The following CTNND2 variants were observed in gnomAD, a reference collection of about 807,000 sequenced individuals.
CTNND2 encodes catenin delta-2.
In CTNND2, 22 loss-of-function variants were observed where a neutral mutation model predicts 144.4. The ratio of observed to expected loss-of-function variants is 0.15; its 90% confidence interval spans 0.11 to 0.22. The LOEUF (loss-of-function observed/expected upper bound fraction) is 0.22. Ranked by LOEUF, CTNND2 falls within the 10% of genes least tolerant of loss-of-function variation. CTNND2 has a pLI of 1.00. For synonymous variants in CTNND2, 751 were observed against 695.6 expected (o/e 1.08, Z -1.25); for missense variants, 1,353 against 1,618.8 (o/e 0.84, Z 2.82).
intron 1 of CTNND2, among the ~76,000 whole-genome samples, chr5:11,872,644 GCTT>G (rs1179706933): frequency 6.6e-6 from 1 of 150,814 alleles, no homozygotes; most frequent in Non-Finnish European, 1.5e-5. Context: ...GTGATGATGA[GCTT>G]TTTTTCATGT....
chr5:11,636,029 C>T (rs934678264), intron 2 of CTNND2, among the ~76,000 whole-genome samples: 11 of 119,074 alleles, frequency 9.2e-5, no homozygotes, highest in African/African-American at 6.7e-5. Context: ...GTTTAATCCC[C>T]CCCCACCCCC....
intron 8 of CTNND2, among the ~76,000 whole-genome samples, chr5:11,353,847 C>T (rs1032225093): frequency 6.6e-6 from 1 of 151,850 alleles, no homozygotes; most frequent in South Asian, 2.1e-4. Flanking sequence ...TTGGCTTCTT[C>T]TTCAGAAAGA....
At chr5:11,362,134 G>C (rs968331167) in intron 8 of CTNND2, among the ~76,000 whole-genome samples, 1 of 152,102 alleles carries the variant, frequency 6.6e-6, no homozygotes, top group Non-Finnish European at 1.5e-5. Context: ...TTAGAGTTCT[G>C]TATCAGTGGT....
At chr5:11,623,816 A>G (rs1441733856) in intron 2 of CTNND2, among the ~76,000 whole-genome samples, 13 of 54,956 alleles carry the variant, frequency 2.4e-4, no homozygotes, top group African/African-American at 3.7e-4. Flanking sequence ...ATGTATATAT[A>G]TATATATATA....
intron 1 of CTNND2, among the ~76,000 whole-genome samples, chr5:11,837,671 G>T (rs541651067): frequency 6.7e-6 from 1 of 149,112 alleles, no homozygotes; most frequent in East Asian, 1.9e-4. Flanking sequence ...AGGTTTGAAG[G>T]TTTTGTTTGT....
Position 11,846,245 on chromosome 5 carries a change from T to C in CTNND2, c.37+57572A>G, listed in dbSNP as rs56994453. On this transcript the variant is annotated intron_variant, in intron 1 of 21. Transcript: ENST00000304623. ...AATATTAATGGAAAAATTAGAAATA[T>C]GGCATATGGGCTGTCAGTTTGAGAA... 3.0e-3 allele frequency among the ~76,000 whole-genome samples: 452 copies of C among 152,300 alleles called. 6 individuals carry two copies. The highest frequency in any genetic ancestry group is 0.01 in the African/African-American group (416 of 41,576).
intron 11 of CTNND2, among the ~76,000 whole-genome samples, chr5:11,167,407 T>C (rs1235703960): frequency 6.6e-6 from 1 of 152,248 alleles, no homozygotes; most frequent in Non-Finnish European, 1.5e-5. Flanking sequence ...AAGAATGAGT[T>C]GTCCTTGACA....
chr5:11,691,049 CA>C (rs1399033813), intron 2 of CTNND2, among the ~76,000 whole-genome samples: 2 of 151,876 alleles, frequency 1.3e-5, no homozygotes, highest in Non-Finnish European at 2.9e-5. Flanking sequence ...AAGATAAGAA[CA>C]AAAAAATGTG....
At chr5:11,676,064 G>T (rs1467460597) in intron 2 of CTNND2, among the ~76,000 whole-genome samples, 3 of 151,466 alleles carry the variant, frequency 2.0e-5, no homozygotes, top group Non-Finnish European at 4.4e-5. Flanking sequence ...TCCCAGTAGG[G>T]GCCAACAGAT....
chr5:11,415,336 G>C (rs1761856016), intron 3 of CTNND2, among the ~76,000 whole-genome samples: 1 of 152,064 alleles, frequency 6.6e-6, no homozygotes. Context: ...TCTAACCCTG[G>C]CTCATGCTTA....
At chr5:11,502,809 A>G (rs1473331823) in intron 3 of CTNND2, among the ~76,000 whole-genome samples, 5 of 152,218 alleles carry the variant, frequency 3.3e-5, no homozygotes, top group East Asian at 1.9e-4. Context: ...CAACACCAAA[A>G]GAATTTATTA....
Position 11,111,058 on chromosome 5 carries a change from G to A in CTNND2, c.2278-15C>T. The A allele has an allele frequency of 1.2e-6, 2 of 1,606,882 alleles. No individual in the cohort carries two copies. Among genetic ancestry groups the A allele is most frequent in the Non-Finnish European group, 8.5e-7 (1 of 1,174,304 alleles). On this transcript the variant is annotated splice_polypyrimidine_tract_variant and intron_variant, in intron 13 of 21. Coordinates refer to ENST00000304623, the MANE Select transcript of CTNND2 (RefSeq NM_001332.4). ...TTTTCAACGGTCTGCAGAAAAGGGGGAAACAGAGGAAAGAATGAGTAAAAC... is the reference window on the plus strand; with the variant it reads ...TTTTCAACGGTCTGCAGAAAAGGGGAAAACAGAGGAAAGAATGAGTAAAAC...
At chr5:11,755,376 T>C (rs1266355493) in intron 1 of CTNND2, among the ~76,000 whole-genome samples, 13 of 151,690 alleles carry the variant, frequency 8.6e-5, no homozygotes, top group Non-Finnish European at 3.0e-5. Flanking sequence ...TTTTAATATT[T>C]TTTTCTTTCA....
chr5:11,391,272 T>A (rs1481965659), intron 6 of CTNND2, among the ~76,000 whole-genome samples: 1 of 152,016 alleles, frequency 6.6e-6, no homozygotes, highest in Non-Finnish European at 1.5e-5. Context: ...ATCAGCTCTG[T>A]GCTGCTGATT....
At chr5:11,172,567 A>G (rs529954204) in intron 11 of CTNND2, among the ~76,000 whole-genome samples, 1 of 152,368 alleles carries the variant, frequency 6.6e-6, no homozygotes, top group South Asian at 2.1e-4. Context: ...AGCTGGGAAG[A>G]CAATGATAGG....
At chr5:11,006,179 G>A (rs926011027) in intron 18 of CTNND2, among the ~76,000 whole-genome samples, 7 of 152,304 alleles carry the variant, frequency 4.6e-5, no homozygotes, top group East Asian at 1.9e-4. Context: ...GAGAAGGGGC[G>A]CTTTCCCACA....
chr5:11,538,790 T>C (rs1774453162), intron 3 of CTNND2, among the ~76,000 whole-genome samples: 1 of 152,344 alleles, frequency 6.6e-6, no homozygotes, highest in East Asian at 1.9e-4. Flanking sequence ...CATTGCTTTC[T>C]GTTTTGTAGA....
intron 1 of CTNND2, among the ~76,000 whole-genome samples, chr5:11,828,692 A>G (rs1581963914): frequency 6.6e-6 from 1 of 152,168 alleles, no homozygotes; most frequent in Admixed American, 6.5e-5. Flanking sequence ...TTTTCTTGCA[A>G]AAATTACCCA....
chr5:11,829,927 A>G (rs564658101), intron 1 of CTNND2, among the ~76,000 whole-genome samples: 12 of 152,318 alleles, frequency 7.9e-5, no homozygotes, highest in African/African-American at 2.6e-4. Context: ...GCCCAAGACC[A>G]TAGGAACCCA....
Sources: gnomAD v4.1 joint callset for allele counts (sites outside exome capture counted in the v4.1 genomes callset) on GRCh38, gnomAD v4.1.1 for gene constraint, MANE v1.5 for transcripts, NCBI Gene and HGNC (gene_info 2026-07-23, HGNC 2026-07-21) for gene names.